CCDC102B: variants seen among roughly 807,000 people sequenced by gnomAD.
The protein encoded by CCDC102B is coiled-coil domain containing 102B.
Under a neutral mutation model 57.4 loss-of-function variants are expected in CCDC102B, and 75 were observed. That is an observed-to-expected ratio of 1.31 (90% CI 1.08 to 1.58). The LOEUF (loss-of-function observed/expected upper bound fraction) is 1.58. CCDC102B is among the 40% of genes most tolerant of loss of function. The pLI, the probability that CCDC102B is intolerant of heterozygous loss-of-function variation, is 0.00. For synonymous variants in CCDC102B, 206 were observed against 201.9 expected, an observed-to-expected ratio of 1.02 and a Z score of -0.17; for missense variants, 636 against 582.6, an observed-to-expected ratio of 1.09 and a Z score of -0.94.
At chr18:68,733,222 T>G (rs2032963583) in intron 2 of CCDC102B, among the ~76,000 whole-genome samples, 1 of 152,056 alleles carries the variant, frequency 6.6e-6, no homozygotes, top group Admixed American at 6.6e-5. Context: ...ACACTCTCTT[T>G]GTCGTGGAGA....
At chr18:69,001,963 T>C (rs1449826083) in intron 6 of CCDC102B, among the ~76,000 whole-genome samples, 1 of 152,192 alleles carries the variant, frequency 6.6e-6, no homozygotes, top group Admixed American at 6.5e-5. Flanking sequence ...GGCTCCATTC[T>C]CAGGCCCAAG....
chr18:68,896,791 G>A (rs1387686614), intron 5 of CCDC102B, among the ~76,000 whole-genome samples: 3 of 151,822 alleles, frequency 2.0e-5, no homozygotes, highest in Non-Finnish European at 4.4e-5. Context: ...GAGATAGAGA[G>A]ATCCATATAG....
chr18:68,846,288 T>G, intron 3 of CCDC102B, 25 bp from the exon 4 acceptor site: 7 of 1,418,556 alleles, frequency 4.9e-6, no homozygotes, highest in Non-Finnish European at 6.5e-6. Flanking sequence ...CCGACTTTTT[T>G]TCTTTTAATT....
At position 69,054,034 on chromosome 18, in the gene CCDC102B, A is replaced by T; in HGVS notation, c.1439A>T (p.Asp480Val). Residue 480 changes from aspartate to valine, a missense_variant, in exon 8 of 8, where the codon GAT becomes GTT. Coordinates refer to ENST00000360242, the MANE Select transcript of CCDC102B (RefSeq NM_024781.3). ...CATTTTCTACTTCGCTTTCAGCTTG[A>T]TGATTCCCTGAATCAGATCCGTAAG... ...QGLNQKEDEL[D>V]DSLNQIRKLQ... 5.0e-6 allele frequency: 8 copies of T among 1,601,312 alleles called. No homozygotes were observed. Among genetic ancestry groups the T allele is most frequent in the Non-Finnish European group, 6.8e-6 (8 of 1,176,534 alleles).
chr18:68,857,641 T>C (rs1321653965), intron 4 of CCDC102B, among the ~76,000 whole-genome samples: 1 of 151,502 alleles, frequency 6.6e-6, no homozygotes, highest in Non-Finnish European at 1.5e-5. Flanking sequence ...TGTGTACATA[T>C]AACTAAAGAC....
At chr18:68,914,927 A>T (rs1030635500) in intron 6 of CCDC102B, among the ~76,000 whole-genome samples, 1 of 150,960 alleles carries the variant, frequency 6.6e-6, no homozygotes, top group Non-Finnish European at 1.5e-5. Context: ...CCTATGGATG[A>T]CTTTAGGTGA....
intron 6 of CCDC102B, among the ~76,000 whole-genome samples, chr18:68,945,108 CTG>C (rs1491505547): frequency 1.6e-4 from 20 of 129,016 alleles, no homozygotes; most frequent in South Asian, 2.9e-4. Context: ...CTCTCTCTCT[CTG>C]TCTCTCTCTC....
chr18:68,799,849 C>G (rs752808045), intron 1 of CCDC102B, among the ~76,000 whole-genome samples: 2 of 152,078 alleles, frequency 1.3e-5, no homozygotes, highest in Non-Finnish European at 2.9e-5. Context: ...GAGTATCAGA[C>G]GTTGTACTCA....
chr18:68,747,224 T>C (rs2033655262), intron 2 of CCDC102B, among the ~76,000 whole-genome samples: 1 of 152,044 alleles, frequency 6.6e-6, no homozygotes, highest in Non-Finnish European at 1.5e-5. Context: ...TCTTTTCCTG[T>C]TCTCTTTCTC....
At chr18:68,863,436 T>C (rs748036303) in intron 4 of CCDC102B, among the ~76,000 whole-genome samples, 1 of 151,972 alleles carries the variant, frequency 6.6e-6, no homozygotes, top group Admixed American at 6.6e-5. Context: ...TGATATATGA[T>C]TGTGTCTCAC....
chr18:68,942,888 G>A (rs1167935902), intron 6 of CCDC102B, among the ~76,000 whole-genome samples: 2 of 129,898 alleles, frequency 1.5e-5, no homozygotes, highest in Non-Finnish European at 3.5e-5. Context: ...TATCACATGG[G>A]GAGAAACCTT....
intron 6 of CCDC102B, among the ~76,000 whole-genome samples, chr18:68,904,894 G>A (rs2090957256): frequency 6.6e-6 from 1 of 152,080 alleles, no homozygotes; most frequent in Admixed American, 6.5e-5. Context: ...ACTATTCACT[G>A]CTATGTTTTG....
chr18:68,886,822 A>G (rs2039903326), intron 5 of CCDC102B, among the ~76,000 whole-genome samples: 1 of 151,916 alleles, frequency 6.6e-6, no homozygotes, highest in African/African-American at 2.4e-5. Context: ...TGTTTATTCC[A>G]TGCATCTAGT....
At chr18:69,009,924 A>ATTTGTTTTTTT (rs2051457841) in intron 6 of CCDC102B, among the ~76,000 whole-genome samples, 1 of 33,514 alleles carries the variant, frequency 3.0e-5, no homozygotes, top group African/African-American at 8.3e-5. Context: ...TTTAATAAAG[A>ATTTGTTTTTTT]TTTTTTTTTT....
intron 6 of CCDC102B, among the ~76,000 whole-genome samples, chr18:69,005,846 T>A (rs1195157157): frequency 1.3e-5 from 2 of 151,674 alleles, no homozygotes; most frequent in African/African-American, 4.8e-5. Context: ...TGTGTTTCTT[T>A]TCTATATCAA....
Position 68,874,524 on chromosome 18 carries a change from C to G in CCDC102B, c.937-145C>G, listed in dbSNP as rs1390941050. 3 of 540,392 alleles carry G rather than the reference C, an allele frequency of 5.6e-6. No homozygotes were observed. In the African/African-American group the frequency reaches 5.6e-5, roughly 10 times the overall value. 33.5% of individuals were successfully genotyped at this position (540,392 alleles called of 1,614,324 possible). A position where few individuals can be genotyped will look rare whatever the true frequency, so the allele number is the denominator to read the frequency against. ...TAACAATAAACAGTTCAACCACAAT[C>G]ATTACATCATCAGCAACAAGCCTGC... is the stretch of plus-strand genomic sequence containing the variant. On this transcript the variant is annotated intron_variant, in intron 4 of 7. Coordinates refer to ENST00000360242, the MANE Select transcript of CCDC102B (RefSeq NM_024781.3).
chr18:68,856,278 TC>T (rs1244928178), intron 4 of CCDC102B, among the ~76,000 whole-genome samples: 1 of 152,140 alleles, frequency 6.6e-6, no homozygotes, highest in Non-Finnish European at 1.5e-5. Context: ...AACATGCTTT[TC>T]TTCCAAATAT....
At chr18:68,936,515 G>A (rs907778536) in intron 6 of CCDC102B, among the ~76,000 whole-genome samples, 5 of 151,902 alleles carry the variant, frequency 3.3e-5, no homozygotes, top group Non-Finnish European at 5.9e-5. Context: ...TTAGAAATAT[G>A]CAACAGTTTT....
chr18:68,804,280 A>G (rs2035955007), intron 1 of CCDC102B, among the ~76,000 whole-genome samples: 1 of 152,158 alleles, frequency 6.6e-6, no homozygotes, highest in Non-Finnish European at 1.5e-5. Context: ...GAGCAGGTGT[A>G]GATGTGAGGG....
Sources: gnomAD v4.1 joint callset for allele counts (sites outside exome capture counted in the v4.1 genomes callset) on GRCh38, gnomAD v4.1.1 for gene constraint, MANE v1.5 for transcripts, NCBI Gene and HGNC (gene_info 2026-07-23, HGNC 2026-07-21) for gene names.